ATP4A: variants seen among roughly 807,000 people sequenced by gnomAD.
ATP4A encodes the protein ATPase H+/K+ transporting subunit alpha.
Under a neutral mutation model 112.1 loss-of-function variants are expected in ATP4A, and 73 were observed. The ratio of observed to expected loss-of-function variants is 0.65; its 90% confidence interval spans 0.54 to 0.79. The LOEUF is 0.79. ATP4A is among the 30% of genes least tolerant of loss of function. The pLI, the probability that ATP4A is intolerant of heterozygous loss-of-function variation, is 0.00. For missense variants in ATP4A, 1,081 were observed against 1,425.9 expected, an observed-to-expected ratio of 0.76 and a Z score of 3.90; for synonymous variants, 588 against 588.9, an observed-to-expected ratio of 1.00 and a Z score of 0.02.
Position 35,557,504 on chromosome 19 carries a change from A to C in ATP4A, c.1693+151T>G. On this transcript the variant is annotated intron_variant, in intron 11 of 21. Coordinates refer to ENST00000262623, the MANE Select transcript of ATP4A (RefSeq NM_000704.3). The surrounding 1 kb of genome is among the most constrained non-coding windows in gnomAD (Gnocchi z 4.4). ...AGGACAGACAGGGGTCAGGACTGGT[A>C]CAGGGAAAGTCAAGGGTGAGGCTGT... 1.1e-6 allele frequency: 1 copy of C among 940,944 alleles called. No individual in the cohort carries two copies. Among genetic ancestry groups the C allele is most frequent in the Non-Finnish European group, 1.6e-6 (1 of 640,952 alleles). The allele number at this position is 940,944 out of a possible 1,614,324, so 58.3% of individuals were successfully genotyped here. A position where few individuals can be genotyped will look rare whatever the true frequency, so the allele number is the denominator to read the frequency against.
rs1002777851 is a variant in ATP4A at position 35,553,767 on chromosome 19, G to C, written c.2544C>G (p.Arg848=). Residue 848 remains arginine (R), a synonymous_variant, in exon 17 of 22, where the codon CGC becomes CGG. Coordinates refer to ENST00000262623, the MANE Select transcript of ATP4A (RefSeq NM_000704.3). ...TGACCAATCTGTCACGCTTTGGGTT[G>C]CGTGGACGCAGGTGCATGATGTCAC... ...AESDIMHLRP[R]NPKRDRLVNE... The C allele has an allele frequency of 1.2e-6, 2 of 1,611,614 alleles. No individual in the cohort carries two copies. Among genetic ancestry groups the C allele is most frequent in the Admixed American group, 3.4e-5 (2 of 59,548 alleles).
Position 35,560,516 on chromosome 19 carries a change from C to T in ATP4A, c.634G>A (p.Ala212Thr), listed in dbSNP as rs762209271. The T allele has an allele frequency of 1.4e-5, 22 of 1,613,370 alleles. No individual in the cohort carries two copies. Among genetic ancestry groups the T allele is most frequent in the African/African-American group, 6.7e-5 (5 of 74,920 alleles). Residue 212 changes from alanine to threonine, a missense_variant, in exon 6 of 22, where the codon GCC (alanine) becomes ACC (threonine). Ala to Thr is a moderately conservative substitution (Grantham distance 58). Coordinates refer to ENST00000262623, the MANE Select transcript of ATP4A (RefSeq NM_000704.3). This position sits in a 1 kb window ranked among gnomAD's most constrained non-coding sequence, Gnocchi z 5.1. Reference protein sequence around the residue: ...VEMKGGDRVPADIRILAAQGC... With the variant: ...VEMKGGDRVPTDIRILAAQGC... ...TGGGCCGCCAGGATGCGGATGTCGG[C>T]GGGCACTCTGTCCCCACCTTTCATC...
chr19:35,555,163 G>C lies in ATP4A; in HGVS notation c.2326+3C>G, dbSNP rs2071623253. 1 of 1,614,082 alleles carries C rather than the reference G, an allele frequency of 6.2e-7. No homozygotes were observed. On this transcript the variant is annotated splice_donor_region_variant and intron_variant, in intron 15 of 21. Transcript: ENST00000262623. This position sits in a 1 kb window ranked among gnomAD's most constrained non-coding sequence, Gnocchi z 6.6. Reference sequence around the variant, plus strand: ...CCTGCCCTCCCCCTGGCGTGGCTCGGACCCTGCTCCACGCCTGTCACAATG... The same window carrying C: ...CCTGCCCTCCCCCTGGCGTGGCTCGCACCCTGCTCCACGCCTGTCACAATG...
In ATP4A at chr19:35,550,231, C is replaced by T; in HGVS notation, c.*384G>A. On this transcript the variant is annotated 3_prime_UTR_variant, in exon 22 of 22. Coordinates refer to ENST00000262623, the MANE Select transcript of ATP4A (RefSeq NM_000704.3). The surrounding 1 kb of genome is among the most constrained non-coding windows in gnomAD (Gnocchi z 4.1). ...GCATGAGCTGGTTTTATTACCATCGCCCAGGACACAAGCGTGTCTTTAACG... is the reference window on the plus strand; with the variant it reads ...GCATGAGCTGGTTTTATTACCATCGTCCAGGACACAAGCGTGTCTTTAACG... 2 of 278,744 alleles carry T rather than the reference C, an allele frequency of 7.2e-6. No homozygotes were observed. The highest frequency in any genetic ancestry group is 8.8e-5 in the South Asian group (2 of 22,796). 17.3% of individuals were successfully genotyped at this position (278,744 alleles called of 1,614,324 possible).
In ATP4A at chr19:35,563,608, C is replaced by T; in HGVS notation, c.12+10G>A. 2 of 1,613,988 alleles carry T rather than the reference C, an allele frequency of 1.2e-6. No homozygotes were observed. Among genetic ancestry groups the T allele is most frequent in the Non-Finnish European group, 1.7e-6 (2 of 1,180,000 alleles). ...CCCCACTGCACCCCGGACCCCTGGG[C>T]CCCACTCACGGCCTTCCCCATGGTG... On this transcript the variant is annotated intron_variant, in intron 1 of 21. Transcript: ENST00000262623.
In ATP4A at chr19:35,550,500, G is replaced by C; in HGVS notation, c.*115C>G. ...GCCGTGGGCTACAGAAGCAGATACT[G>C]GTGGGGCTGGGACTCTTGGTTGCTC... On this transcript the variant is annotated 3_prime_UTR_variant, in exon 22 of 22. Transcript: ENST00000262623. This position sits in a 1 kb window ranked among gnomAD's most constrained non-coding sequence, Gnocchi z 4.1. 3 of 1,384,256 alleles carry C rather than the reference G, an allele frequency of 2.2e-6. No individual in the cohort carries two copies. Among genetic ancestry groups the C allele is most frequent in the African/African-American group, 2.9e-5 (2 of 69,880 alleles). The allele number at this position is 1,384,256 out of a possible 1,614,324, so 85.7% of individuals were successfully genotyped here. A position where few individuals can be genotyped will look rare whatever the true frequency, so the allele number is the denominator to read the frequency against.
At position 35,559,732 on chromosome 19, in the gene ATP4A, G is replaced by A; in HGVS notation, c.1056+73C>T. On this transcript the variant is annotated intron_variant, in intron 7 of 21. Transcript: ENST00000262623. The surrounding 1 kb of genome is among the most constrained non-coding windows in gnomAD (Gnocchi z 4.1). ...GATAGACAGGCAGGGAGGTGATGGG[G>A]GAAATGTGGAGGAAAGAACAGATGG... The A allele has an allele frequency of 2.6e-6, 4 of 1,558,306 alleles. No homozygotes were observed. The highest frequency in any genetic ancestry group is 2.4e-5 in the South Asian group (2 of 82,852).
Position 35,555,126 on chromosome 19 carries a change from G to T in ATP4A, c.2326+40C>A. On this transcript the variant is annotated intron_variant, in intron 15 of 21. Coordinates refer to ENST00000262623, the MANE Select transcript of ATP4A (RefSeq NM_000704.3). This position sits in a 1 kb window ranked among gnomAD's most constrained non-coding sequence, Gnocchi z 6.6. ...GCCTCCTCACAGCCCTCTCCCTCCT[G>T]TGCCCACACTGCCTGCCCTCCCCCT... The T allele has an allele frequency of 6.2e-7, 1 of 1,613,928 alleles. No individual in the cohort carries two copies. Among genetic ancestry groups the T allele is most frequent in the Non-Finnish European group, 8.5e-7 (1 of 1,179,938 alleles).
In ATP4A at chr19:35,558,376, T is replaced by G. The variant is rs150040599; in HGVS notation, c.1486A>C (p.Thr496Pro). 2.8e-3 allele frequency: 4,482 copies of G among 1,610,874 alleles called. 7 individuals are homozygous for G. Among genetic ancestry groups the G allele is most frequent in the Non-Finnish European group, 3.6e-3 (4,218 of 1,178,762 alleles). Residue 496 changes from threonine to proline, a missense_variant, in exon 10 of 22, where the codon ACC (threonine) becomes CCC (proline). Physicochemically the swap from Thr to Pro is conservative, Grantham distance 38 (BLOSUM62 -1). This residue lies in a region of ATP4A where 850 missense variants were observed against 1,068.2 expected (regional missense o/e 0.80). Transcript: ENST00000262623. This position sits in a 1 kb window ranked among gnomAD's most constrained non-coding sequence, Gnocchi z 5.1. The part of the protein sequence containing the change: ...PKVCEIPFNS[T>P]NKFQLSIHTL... ...CGGCTGCGCACCTGGAACTTGTTGG[T>G]GGAGTTGAAGGGTATCTCGCAGACT...
In ATP4A at chr19:35,555,129, C is replaced by T. The variant is rs778026828; in HGVS notation, c.2326+37G>A. ...TCCTCACAGCCCTCTCCCTCCTGTG[C>T]CCACACTGCCTGCCCTCCCCCTGGC... On this transcript the variant is annotated intron_variant, in intron 15 of 21. Transcript: ENST00000262623. The surrounding 1 kb of genome is among the most constrained non-coding windows in gnomAD (Gnocchi z 6.6). 5 of 1,613,868 alleles carry T rather than the reference C, an allele frequency of 3.1e-6. No individual in the cohort carries two copies. In the South Asian group the frequency reaches 4.4e-5, roughly 14 times the overall value.
chr19:35,557,197 C>T lies in ATP4A; in HGVS notation c.1694-109G>A. 7.8e-7 allele frequency: 1 copy of T among 1,287,306 alleles called. No homozygotes were observed. The highest frequency in any genetic ancestry group is 1.1e-6 in the Non-Finnish European group (1 of 918,706). 79.7% of individuals were successfully genotyped at this position (1,287,306 alleles called of 1,614,324 possible). ...CCCTTGCACCAAACACCTATGGATG[C>T]CTGACCTTGTGCTGACCCCTTCACT... On this transcript the variant is annotated intron_variant, in intron 11 of 21. Transcript: ENST00000262623. This position sits in a 1 kb window ranked among gnomAD's most constrained non-coding sequence, Gnocchi z 4.4.
rs370015293 is a variant in ATP4A at position 35,558,422 on chromosome 19, G to A, written c.1440C>T (p.Gly480=). ...FSELTLGNAM[G]YRDRFPKVCE... ...AGACTTTTGGGAAGCGGTCCCGGTA[G>A]CCCATGGCGTTGCCCAGCGTCAGCT... The change falls in exon 10 of 22, where the codon GGC becomes GGT. Residue 480 remains glycine, a synonymous_variant. Transcript: ENST00000262623. This position sits in a 1 kb window ranked among gnomAD's most constrained non-coding sequence, Gnocchi z 5.1. The A allele has an allele frequency of 6.2e-7, 1 of 1,609,502 alleles. No homozygotes were observed. The highest frequency in any genetic ancestry group is 8.5e-7 in the Non-Finnish European group (1 of 1,178,202).
chr19:35,554,872 CAAGT>C (rs766862710), intron 16 of ATP4A, 46 bp downstream of exon 16: 27 of 1,611,312 alleles, frequency 1.7e-5, no homozygotes, highest in South Asian at 5.5e-5. Flanking sequence ...CATCTGCAAG[CAAGT>C]GTCTCTGGGC....
Position 35,553,063 on chromosome 19 carries a change from G to T in ATP4A, c.2725C>A (p.Leu909Met), listed in dbSNP as rs745505222. The change falls in exon 18 of 22, where the codon CTG becomes ATG. Residue 909 changes from leucine to methionine, a missense_variant. Physicochemically the swap from Leu to Met is conservative, Grantham distance 15. This residue lies in a region of ATP4A where 219 missense variants were observed against 320.9 expected (regional missense o/e 0.68). Transcript: ENST00000262623. ...CACTCCTGGCCGTAGCTGTCCTGCA[G>T]ATCTTGTAGGTGGTGGTCCTCCCAC... ...AQWEDHHLQD[L>M]QDSYGQEWTF... The T allele has an allele frequency of 6.2e-7, 1 of 1,608,878 alleles. No homozygotes were observed. Among genetic ancestry groups the T allele is most frequent in the East Asian group, 2.2e-5 (1 of 44,692 alleles).
rs536354733 is a variant in ATP4A, at chr19:35,553,443, C to T, written c.2606-261G>A. 3.9e-5 allele frequency among the ~76,000 whole-genome samples: 6 copies of T among 152,232 alleles called. No homozygotes were observed. In the East Asian group the frequency reaches 1.2e-3, roughly 29 times the overall value. On this transcript the variant is annotated intron_variant, in intron 17 of 21. Coordinates refer to ENST00000262623, the MANE Select transcript of ATP4A (RefSeq NM_000704.3). ...AGAGGCAGGGACAGAGAGAAAAAGACACATCCAGGACCCAAAAAGACAGAA... is the reference window on the plus strand; with the variant it reads ...AGAGGCAGGGACAGAGAGAAAAAGATACATCCAGGACCCAAAAAGACAGAA...
At chr19:35,563,575 A>T in intron 1 of ATP4A, 43 bp downstream of exon 1, 1 of 1,613,374 alleles carries the variant, frequency 6.2e-7, no homozygotes. Flanking sequence ...TTCCACTGCA[A>T]CCCCTGTCCC....
chr19:35,552,886 C>T (rs182801470), intron 18 of ATP4A, 151 bp downstream of exon 18: 48 of 989,550 alleles, frequency 4.9e-5, no homozygotes, highest in Admixed American at 1.8e-4. Context: ...TGGGAAAGGC[C>T]CTTGCCCCCC....
At position 35,551,005 on chromosome 19, in the gene ATP4A, C is replaced by G; in HGVS notation, c.2987+5G>C. ...TCCCTGTCCTTGCCCCTCACAGCCT[C>G]TCACCGAATGGGCATGAAGTTGAAG... On this transcript the variant is annotated splice_donor_5th_base_variant and intron_variant, in intron 20 of 21. Transcript: ENST00000262623. The surrounding 1 kb of genome is among the most constrained non-coding windows in gnomAD (Gnocchi z 5.2). The G allele has an allele frequency of 2.5e-6, 4 of 1,613,722 alleles. No homozygotes were observed. Among genetic ancestry groups the G allele is most frequent in the Non-Finnish European group, 3.4e-6 (4 of 1,179,792 alleles).
rs1051070657 is a variant in ATP4A, at chr19:35,555,520, G to A, written c.2077C>T (p.Leu693=). ...AACACCATCTCGGGGTGGGTGCGCA[G>A]GGCCTCGACCAGTTCCGATGGGTCC... ...DMDPSELVEA[L]RTHPEMVFAR... The change falls in exon 14 of 22, where the codon CTG becomes TTG. Residue 693 remains leucine (L), a synonymous_variant. Transcript: ENST00000262623. The surrounding 1 kb of genome is among the most constrained non-coding windows in gnomAD (Gnocchi z 6.6). 1 of 1,605,746 alleles carries A rather than the reference G, an allele frequency of 6.2e-7. No homozygotes were observed. The highest frequency in any genetic ancestry group is 8.5e-7 in the Non-Finnish European group (1 of 1,174,850).
Sources: allele counts gnomAD v4.1 joint callset (sites outside exome capture counted in the v4.1 genomes callset), GRCh38; gene constraint gnomAD v4.1.1; regional missense constraint gnomAD v4.1.1; non-coding constraint Gnocchi (gnomAD v3.1); transcripts MANE v1.5; gene names NCBI Gene and HGNC (gene_info 2026-07-23, HGNC 2026-07-21).